The following XRCC4 variants were observed in gnomAD, a reference collection of about 807,000 sequenced individuals.
XRCC4 encodes the protein DNA repair protein XRCC4.
In XRCC4, 28 loss-of-function variants were observed where a neutral mutation model predicts 39.1. That is an observed-to-expected ratio of 0.72 (90% CI 0.53 to 0.98). XRCC4 has a LOEUF of 0.98. XRCC4 is among the 50% of genes least tolerant of loss of function. The probability of loss-of-function intolerance (pLI) is 0.00; values close to 1 mark genes in which losing one functional copy is unlikely to be tolerated. For missense variants in XRCC4, 350 were observed against 376.4 expected, an observed-to-expected ratio of 0.93 and a Z score of 0.58; for synonymous variants, 123 against 126.4, an observed-to-expected ratio of 0.97 and a Z score of 0.18.
At chr5:83,276,374 TGA>T (rs1221903576) in intron 7 of XRCC4, among the ~76,000 whole-genome samples, 3 of 149,946 alleles carry the variant, frequency 2.0e-5, no homozygotes, top group Non-Finnish European at 4.4e-5. Flanking sequence ...GTGTCAGTAT[TGA>T]GAGGTGAGAC....
At chr5:83,300,546 T>TTGTGTGTGTGTGTGTGTGTG (rs70973389) in intron 7 of XRCC4, among the ~76,000 whole-genome samples, 12 of 126,990 alleles carry the variant, frequency 9.4e-5, no homozygotes, top group African/African-American at 3.2e-4. Flanking sequence ...TATCTTTTGT[T>TTGTGTGTGTGTGTGTGTGTG]TGTGTGTGTG....
intron 1 of XRCC4, among the ~76,000 whole-genome samples, chr5:83,086,845 A>C (rs1323656802): frequency 6.6e-6 from 1 of 151,928 alleles, no homozygotes; most frequent in Non-Finnish European, 1.5e-5. Flanking sequence ...TTTTGTCCTG[A>C]GTCAAAGAAA....
At chr5:83,279,652 T>C (rs929750988) in intron 7 of XRCC4, among the ~76,000 whole-genome samples, 4 of 152,240 alleles carry the variant, frequency 2.6e-5, no homozygotes, top group African/African-American at 9.6e-5. Context: ...TTAAAAGATT[T>C]AAATTTACAG....
chr5:83,125,413 G>T (rs756784220), intron 3 of XRCC4, among the ~76,000 whole-genome samples: 1 of 152,108 alleles, frequency 6.6e-6, no homozygotes, highest in South Asian at 2.1e-4. Flanking sequence ...TTGTAGTTCT[G>T]TATTTTACAT....
intron 1 of XRCC4, among the ~76,000 whole-genome samples, chr5:83,091,278 G>A (rs1745413080): frequency 1.3e-5 from 2 of 152,142 alleles, no homozygotes; most frequent in South Asian, 4.1e-4. Context: ...CATGGCAGAA[G>A]GAAAAGCAGG....
At chr5:83,218,062 TTATA>T (rs560667796) in intron 6 of XRCC4, among the ~76,000 whole-genome samples, 133 of 147,612 alleles carry the variant, frequency 9.0e-4, no homozygotes, top group Admixed American at 3.3e-3. Flanking sequence ...TTTACCTTTT[TTATA>T]TATATATATA....
intron 7 of XRCC4, among the ~76,000 whole-genome samples, chr5:83,297,164 T>A (rs16900303): frequency 0.056 from 8,458 of 151,914 alleles, 898 homozygotes; most frequent in East Asian, 0.48. Context: ...AAATAAAACA[T>A]CTTTACCAAT....
intron 7 of XRCC4, among the ~76,000 whole-genome samples, chr5:83,351,874 T>G (rs951723331): frequency 2.0e-5 from 3 of 152,246 alleles, no homozygotes; most frequent in Non-Finnish European, 4.4e-5. Context: ...TTAAAAATAC[T>G]CATCACCTAA....
At chr5:83,105,368 C>G (rs1746149380) in intron 2 of XRCC4, among the ~76,000 whole-genome samples, 1 of 151,892 alleles carries the variant, frequency 6.6e-6, no homozygotes, top group South Asian at 2.1e-4. Flanking sequence ...TTCTCAGGAC[C>G]CCAGGGAAGA....
At chr5:83,275,838 ATTAT>A (rs756927183) in intron 7 of XRCC4, among the ~76,000 whole-genome samples, 17 of 152,160 alleles carry the variant, frequency 1.1e-4, no homozygotes, top group Non-Finnish European at 2.4e-4. Flanking sequence ...AAAGAAAGGG[ATTAT>A]TGTAGTGTCA....
chr5:83,126,221 A>G (rs1057457831), intron 3 of XRCC4, among the ~76,000 whole-genome samples: 1 of 151,838 alleles, frequency 6.6e-6, no homozygotes, highest in Admixed American at 6.6e-5. Context: ...TACAGATCCT[A>G]TACATGTTTT....
At chr5:83,102,900 C>T (rs1746006369) in intron 1 of XRCC4, among the ~76,000 whole-genome samples, 1 of 151,224 alleles carries the variant, frequency 6.6e-6, no homozygotes, top group Admixed American at 6.6e-5. Context: ...GTCCTTGCAC[C>T]ACCACTTAGT....
chr5:83,114,154 C>G (rs1746591376), intron 3 of XRCC4, among the ~76,000 whole-genome samples: 1 of 114,126 alleles, frequency 8.8e-6, no homozygotes, highest in African/African-American at 3.9e-5. Context: ...GGGCCTGGAC[C>G]TGGCCCAGGA....
chr5:83,146,501 A>C (rs1463101933), intron 3 of XRCC4, among the ~76,000 whole-genome samples: 2 of 152,202 alleles, frequency 1.3e-5, no homozygotes, highest in Admixed American at 6.5e-5. Flanking sequence ...GGACAGAGAA[A>C]ATAGATTTCT....
At chr5:83,196,246 G>A (rs143503156) in intron 4 of XRCC4, among the ~76,000 whole-genome samples, 48 of 152,070 alleles carry the variant, frequency 3.2e-4, no homozygotes, top group African/African-American at 1.1e-3. Context: ...GATTAATTCA[G>A]CTCAAATTAT....
chr5:83,237,633 T>A, intron 6 of XRCC4, among the ~76,000 whole-genome samples: 1 of 151,946 alleles, frequency 6.6e-6, no homozygotes, highest in East Asian at 1.9e-4. Context: ...AAAAATACAA[T>A]TAAATAGGAG....
At chr5:83,238,100 C>T (rs1345474579) in intron 6 of XRCC4, among the ~76,000 whole-genome samples, 2 of 152,096 alleles carry the variant, frequency 1.3e-5, no homozygotes, top group Non-Finnish European at 2.9e-5. Flanking sequence ...AACCTCCCTG[C>T]TACAAATGCA....
chr5:83,363,305 A>G, the XRCC4 span, among the ~76,000 whole-genome samples: 1 of 152,102 alleles, frequency 6.6e-6, no homozygotes, highest in Middle Eastern at 3.2e-3. Context: ...TTGTGGCAGG[A>G]GTGAACCCCA....
At chr5:83,164,778 C>G (rs1561374654) in intron 3 of XRCC4, among the ~76,000 whole-genome samples, 1 of 152,036 alleles carries the variant, frequency 6.6e-6, no homozygotes, top group Non-Finnish European at 1.5e-5. Flanking sequence ...CTCTCAGTCT[C>G]TCATATTTTC....
Sources: gnomAD v4.1 joint callset for allele counts (sites outside exome capture counted in the v4.1 genomes callset) on GRCh38, gnomAD v4.1.1 for gene constraint, MANE v1.5 for transcripts, NCBI Gene and HGNC (gene_info 2026-07-23, HGNC 2026-07-21) for gene names.